Variants in NPAT observed in about 807,000 individuals in gnomAD.
NPAT encodes the protein protein NPAT.
Under a neutral mutation model 130.7 loss-of-function variants are expected in NPAT, and 52 were observed. That is an observed-to-expected ratio of 0.40 (90% CI 0.32 to 0.50). The LOEUF (loss-of-function observed/expected upper bound fraction) is 0.50, where lower values mean the gene tolerates loss of function less well. Ranked by LOEUF, NPAT falls within the 20% of genes least tolerant of loss-of-function variation. The pLI is 0.68. For missense variants in NPAT, 1,687 were observed against 1,662.6 expected, an observed-to-expected ratio of 1.01 and a Z score of -0.26; for synonymous variants, 580 against 584.8, an observed-to-expected ratio of 0.99 and a Z score of 0.12.
rs187429896 is a variant in NPAT, at chr11:108,198,877, A to G, written c.38-1457T>C. Among the ~76,000 whole-genome samples the G allele has an allele frequency of 7.7e-3, 1,176 of 152,256 alleles. 10 individuals are homozygous for G. Among genetic ancestry groups the G allele is most frequent in the Non-Finnish European group, 9.4e-3 (642 of 68,018 alleles). On this transcript the variant is annotated intron_variant, in intron 1 of 17. Transcript: ENST00000278612. ...CTTGCTCACTCCCCAGTGTCCACAT[A>G]ACCTCATTCTTCTTAAACGCAGGAC...
chr11:108,172,383 C>T lies in NPAT; in HGVS notation c.2601G>A (p.Leu867=). Residue 867 remains leucine, a synonymous_variant, in exon 13 of 18, where the codon CTG becomes CTA. Coordinates refer to ENST00000278612, the MANE Select transcript of NPAT (RefSeq NM_002519.3). ...STAFGNSNNI[L]IATCVTDPTA... ...TTGGATCAGTCACACAGGTAGCTAT[C>T]AGAATGTTATTTGAATTGCCAAAAG... The T allele has an allele frequency of 1.2e-6, 2 of 1,614,208 alleles. No homozygotes were observed. Among genetic ancestry groups the T allele is most frequent in the Non-Finnish European group, 1.7e-6 (2 of 1,180,036 alleles).
chr11:108,184,677 T>C (rs569012694), intron 10 of NPAT, among the ~76,000 whole-genome samples: 189 of 152,184 alleles, frequency 1.2e-3, no homozygotes, highest in Non-Finnish European at 2.1e-3. Flanking sequence ...ATAACAAGCA[T>C]GTGTCATGAT....
chr11:108,194,008 C>A lies in NPAT; in HGVS notation c.166G>T (p.Gly56Ter). 6.6e-7 allele frequency: 1 copy of A among 1,508,974 alleles called. No individual in the cohort carries two copies. Among genetic ancestry groups the A allele is most frequent in the South Asian group, 1.1e-5 (1 of 88,000 alleles). The allele number at this position is 1,508,974 out of a possible 1,614,324, so 93.5% of individuals were successfully genotyped here. ...FIPACLLSLF[G>*]KNLTTILNEY... ...TTTAAAATTGTTGTCAAGTTTTTTC[C>A]AAATAAGGACTGAAAAGAAAAAGAT... Residue 56 changes from glycine to a stop codon, truncating the protein, a stop_gained, in exon 3 of 18, where the codon GGA becomes TGA. Transcript: ENST00000278612. LOFTEE classifies it high-confidence loss of function.
At chr11:108,184,243 G>A (rs777408627) in intron 10 of NPAT, among the ~76,000 whole-genome samples, 33 of 151,966 alleles carry the variant, frequency 2.2e-4, no homozygotes, top group Admixed American at 5.2e-4. Flanking sequence ...AAGCCGAGGC[G>A]GGCAGATAAC....
chr11:108,158,905 GT>G lies in NPAT; in HGVS notation c.*36del, dbSNP rs780057547. 25 of 1,297,476 alleles carry G rather than the reference GT, an allele frequency of 1.9e-5. No homozygotes were observed. The highest frequency in any genetic ancestry group is 4.7e-5 in the South Asian group (4 of 84,428). The allele number at this position is 1,297,476 out of a possible 1,614,324, so 80.4% of individuals were successfully genotyped here. ...CCTACACTCAGTTTAAGGGATATGA[GT>G]TTTTAACACCTACTGTTCTTATGTG... On this transcript the variant is annotated 3_prime_UTR_variant, in exon 18 of 18. Transcript: ENST00000278612.
In NPAT at chr11:108,172,812, A is replaced by C. The variant is rs1261971124; in HGVS notation, c.2172T>G (p.Pro724=). 6.2e-7 allele frequency: 1 copy of C among 1,609,910 alleles called. No homozygotes were observed. Among genetic ancestry groups the C allele is most frequent in the Admixed American group, 1.7e-5 (1 of 59,794 alleles). Residue 724 remains proline, a synonymous_variant, in exon 13 of 18, where the codon CCT becomes CCG. Transcript: ENST00000278612. ...CTATCTCTGCTGAGTTGTTGCTAGA[A>C]GGTTTATCATCAGTATTTTGGGACT... ...HPESQNTDDK[P]SSNNSAEIDA... is the part of the protein sequence containing the mutation.
In NPAT at chr11:108,192,208, A is replaced by C; in HGVS notation, c.218-18T>G. ...TGATGTTTCTAAATCATAGGAGAAA[A>C]GGTTCTTAATAAACCCAGCTGAAGA... On this transcript the variant is annotated intron_variant, in intron 3 of 17. Transcript: ENST00000278612. The C allele has an allele frequency of 6.5e-7, 1 of 1,528,972 alleles. No individual in the cohort carries two copies. The highest frequency in any genetic ancestry group is 9.1e-7 in the Non-Finnish European group (1 of 1,102,708). 94.7% of individuals were successfully genotyped at this position (1,528,972 alleles called of 1,614,324 possible).
intron 8 of NPAT, among the ~76,000 whole-genome samples, chr11:108,185,823 C>T (rs963499797): frequency 6.6e-6 from 1 of 152,180 alleles, no homozygotes; most frequent in Non-Finnish European, 1.5e-5. Flanking sequence ...CTCCACCTCG[C>T]AGTTCAAGCA....
intron 17 of NPAT, among the ~76,000 whole-genome samples, chr11:108,159,895 G>T (rs1259402213): frequency 6.6e-6 from 1 of 151,600 alleles, no homozygotes; most frequent in East Asian, 1.9e-4. Flanking sequence ...GCTCATGCCT[G>T]TAATCCCAGC....
intron 3 of NPAT, 64 bp downstream of exon 3, chr11:108,193,893 T>C: frequency 1.0e-6 from 1 of 1,001,866 alleles, no homozygotes; most frequent in Non-Finnish European, 1.6e-6. Flanking sequence ...AAATCATTTT[T>C]AACTAAATCA....
chr11:108,185,209 A>T, intron 10 of NPAT, 23 bp downstream of exon 10: 1 of 1,537,196 alleles, frequency 6.5e-7, no homozygotes, highest in Non-Finnish European at 9.0e-7. Flanking sequence ...ACACGCACCC[A>T]TGCACACCCC....
chr11:108,164,492 T>C (rs1007695999), intron 15 of NPAT, among the ~76,000 whole-genome samples: 7 of 152,044 alleles, frequency 4.6e-5, no homozygotes, highest in Non-Finnish European at 8.8e-5. Flanking sequence ...GGCTGTTTAG[T>C]AAAGGAAGTG....
chr11:108,176,311 G>C lies in NPAT; in HGVS notation c.1067C>G (p.Pro356Arg), dbSNP rs916884467. The C allele has an allele frequency of 1.1e-5, 18 of 1,574,044 alleles. No individual in the cohort carries two copies. The highest frequency in any genetic ancestry group is 1.6e-5 in the Non-Finnish European group (18 of 1,144,080). The change falls in exon 12 of 18, where the codon CCC becomes CGC. Residue 356 changes from proline to arginine, a missense_variant. Around this residue, in one of 3 missense-constraint regions of NPAT, gnomAD observed 1,379 missense variants for 1,346.6 expected, o/e 1.02. Coordinates refer to ENST00000278612, the MANE Select transcript of NPAT (RefSeq NM_002519.3). ...AGTTTCATCTGCTAAGACTATACTG[G>C]GATTGGATTCCATAGGTTGACTGGA... ...SISSQPMESN[P>R]SIVLADETNL...
intron 1 of NPAT, among the ~76,000 whole-genome samples, chr11:108,204,550 TGCC>T (rs1267729194): frequency 6.0e-5 from 2 of 33,248 alleles, no homozygotes; most frequent in East Asian, 1.3e-3. Context: ...CCCTGGAACC[TGCC>T]GAACCTGCCG....
intron 1 of NPAT, among the ~76,000 whole-genome samples, chr11:108,208,019 A>G (rs532627617): frequency 6.6e-6 from 1 of 152,380 alleles, no homozygotes; most frequent in South Asian, 2.1e-4. Flanking sequence ...TTATGTTAAT[A>G]CAGGTTGAGT....
At chr11:108,211,702 A>G (rs2078385204) in intron 1 of NPAT, among the ~76,000 whole-genome samples, 1 of 152,262 alleles carries the variant, frequency 6.6e-6, no homozygotes, top group Non-Finnish European at 1.5e-5. Flanking sequence ...TCCCTAACGT[A>G]AAAGACGAAA....
chr11:108,207,701 T>G (rs944602328), intron 1 of NPAT, among the ~76,000 whole-genome samples: 1 of 152,102 alleles, frequency 6.6e-6, no homozygotes, highest in Non-Finnish European at 1.5e-5. Context: ...AGTAGGCGCT[T>G]CCAAGCCTGC....
rs922973611 is a variant in NPAT at position 108,172,655 on chromosome 11, TAGG to T, written c.2326_2328del (p.Pro776del). 26 of 1,613,978 alleles carry T rather than the reference TAGG, an allele frequency of 1.6e-5. No individual in the cohort carries two copies. Among genetic ancestry groups the T allele is most frequent in the East Asian group, 4.5e-5 (2 of 44,888 alleles). Reference sequence around the variant, plus strand: ...TCTGCATTTTTAGTAGGTGATTTAGTAGGAGAAGACAAGATTATAGTTGGCAGG... The same window carrying T: ...TCTGCATTTTTAGTAGGTGATTTAGTAGAAGACAAGATTATAGTTGGCAGG... On this transcript the variant is annotated inframe_deletion, in exon 13 of 18. Transcript: ENST00000278612.
intron 17 of NPAT, among the ~76,000 whole-genome samples, chr11:108,159,870 T>C (rs1331434202): frequency 2.1e-5 from 3 of 145,578 alleles, no homozygotes; most frequent in African/African-American, 7.6e-5. Context: ...CCAGAAAAAA[T>C]GACCAGGCGT....
Sources: gnomAD v4.1 joint callset for allele counts (sites outside exome capture counted in the v4.1 genomes callset) on GRCh38, gnomAD v4.1.1 for gene constraint, gnomAD v4.1.1 regional missense constraint, MANE v1.5 for transcripts, NCBI Gene and HGNC (gene_info 2026-07-23, HGNC 2026-07-21) for gene names.